Variants in TMC7 observed in about 807,000 individuals in gnomAD.
TMC7 encodes the protein transmembrane channel like 7, also known as transmembrane channel-like protein 7.
TMC7 carries 54 observed loss-of-function variants against 82.9 expected under a neutral mutation model. That is an observed-to-expected ratio of 0.65 (90% confidence interval 0.52 to 0.82). The LOEUF is 0.82. Among genes scored for constraint, TMC7 ranks in the 40% least tolerant of loss-of-function variants. The pLI is 0.00. For missense variants in TMC7, 820 were observed against 901.2 expected, an observed-to-expected ratio of 0.91 and a Z score of 1.15; for synonymous variants, 350 against 337.9, an observed-to-expected ratio of 1.04 and a Z score of -0.39.
chr16:18,990,297 C>T (rs901302135), intron 1 of TMC7, among the ~76,000 whole-genome samples: 2 of 152,162 alleles, frequency 1.3e-5, no homozygotes, highest in Non-Finnish European at 2.9e-5. Context: ...TGGATATATA[C>T]GTGCAAGTCA....
chr16:19,018,689 G>T (rs1480112073), intron 3 of TMC7, among the ~76,000 whole-genome samples: 1 of 151,890 alleles, frequency 6.6e-6, no homozygotes, highest in East Asian at 1.9e-4. Context: ...CCATCCTAGT[G>T]CTTTGGGAGG....
chr16:19,059,645 C>G, intron 15 of TMC7, 151 bp downstream of exon 15: 1 of 1,555,256 alleles, frequency 6.4e-7, no homozygotes, highest in Non-Finnish European at 8.7e-7. Context: ...CCAGCCGCGT[C>G]CAGCTTCATT....
rs184177277 is a variant in TMC7, at chr16:19,027,226, G to A, written c.712-2998G>A. Among the ~76,000 whole-genome samples, 14 of 149,836 alleles carry A rather than the reference G, an allele frequency of 9.3e-5. 1 individual carries two copies. In the South Asian group the frequency reaches 1.9e-3, roughly 20 times the overall value. On this transcript the variant is annotated intron_variant, in intron 5 of 15. Coordinates refer to ENST00000304381, the MANE Select transcript of TMC7 (RefSeq NM_024847.4). ...CTGGATTACAGGTGTGTATGATGAC[G>A]CCCAGCTAAATTTTGTTTTTAGTAG...
chr16:19,027,109 C>T (rs186849055), intron 5 of TMC7, among the ~76,000 whole-genome samples: 1 of 118,806 alleles, frequency 8.4e-6, no homozygotes, highest in Non-Finnish European at 1.6e-5. Context: ...CTCGCTCTGT[C>T]ACCAGGCTGG....
At chr16:18,987,910 A>T (rs969936538) in intron 1 of TMC7, among the ~76,000 whole-genome samples, 17 of 152,302 alleles carry the variant, frequency 1.1e-4, no homozygotes, top group African/African-American at 3.8e-4. Context: ...TGACTGCCAG[A>T]TGGTGGGACT....
At chr16:18,996,901 T>C (rs1485178942) in intron 1 of TMC7, among the ~76,000 whole-genome samples, 2 of 152,228 alleles carry the variant, frequency 1.3e-5, no homozygotes, top group East Asian at 1.9e-4. Flanking sequence ...GGGAAGGCTG[T>C]CTTCCCAAGT....
chr16:18,995,611 G>A lies in TMC7; in HGVS notation c.67+11481G>A, dbSNP rs190515565. The stretch of plus-strand genomic sequence containing the variant: ...CTTAGAGCAAGATCCTGGGGGAGGC[G>A]GTCCTGGAGGAACGCCTGGCCGCTG... On this transcript the variant is annotated intron_variant, in intron 1 of 15. Transcript: ENST00000304381. Among the ~76,000 whole-genome samples the A allele has an allele frequency of 1.8e-3, 273 of 152,318 alleles. 4 individuals are homozygous for A. Among genetic ancestry groups the A allele is most frequent in the Middle Eastern group, 0.014 (4 of 294 alleles).
At chr16:19,043,924 T>C (rs888298355) in intron 9 of TMC7, among the ~76,000 whole-genome samples, 1 of 151,072 alleles carries the variant, frequency 6.6e-6, no homozygotes, top group Admixed American at 6.6e-5. Flanking sequence ...GGCTGGAGTG[T>C]AGTGGTGTGA....
rs1041446537 is a variant in TMC7, at chr16:19,039,447, A to C, written c.1180-842A>C. Among the ~76,000 whole-genome samples, 7 of 152,120 alleles carry C rather than the reference A, an allele frequency of 4.6e-5. 1 individual carries two copies. The highest frequency in any genetic ancestry group is 1.0e-4 in the Non-Finnish European group (7 of 68,018). On this transcript the variant is annotated intron_variant, in intron 8 of 15. Transcript: ENST00000304381. ...TCACCACCATGGCCACATTCTAGCC[A>C]AGGGGAAGGAGATGAAGGGGCTAAG...
At chr16:19,015,294 G>T (rs1270231898) in intron 2 of TMC7, among the ~76,000 whole-genome samples, 1 of 148,936 alleles carries the variant, frequency 6.7e-6, no homozygotes, top group Non-Finnish European at 1.5e-5. Flanking sequence ...ACAGGGCCTT[G>T]CTCTGTCTCC....
intron 2 of TMC7, among the ~76,000 whole-genome samples, chr16:19,013,519 T>C (rs1223179341): frequency 6.8e-6 from 1 of 146,870 alleles, no homozygotes; most frequent in Non-Finnish European, 1.5e-5. Context: ...GCCTGGCCTA[T>C]TTTATTTATT....
At chr16:18,993,750 G>A (rs1360264545) in intron 1 of TMC7, among the ~76,000 whole-genome samples, 2 of 152,148 alleles carry the variant, frequency 1.3e-5, no homozygotes, top group Non-Finnish European at 2.9e-5. Context: ...TAACAGCATG[G>A]TGGTGCAGGA....
intron 7 of TMC7, 72 bp from the exon 8 acceptor site, chr16:19,037,802 T>C: frequency 6.8e-7 from 1 of 1,465,944 alleles, no homozygotes; most frequent in Non-Finnish European, 9.3e-7. Flanking sequence ...GGGGAGAGAA[T>C]GATGAATCAA....
At chr16:19,013,827 G>GT (rs1289134830) in intron 2 of TMC7, among the ~76,000 whole-genome samples, 1 of 139,794 alleles carries the variant, frequency 7.2e-6, no homozygotes, top group African/African-American at 2.6e-5. Flanking sequence ...CCGAGGGAGG[G>GT]TTTTTTTAAC....
rs762260479 is a variant in TMC7, at chr16:19,009,280, G to A, written c.176G>A (p.Arg59Gln). 22 of 1,614,116 alleles carry A rather than the reference G, an allele frequency of 1.4e-5. No homozygotes were observed. Among genetic ancestry groups the A allele is most frequent in the East Asian group, 4.5e-5 (2 of 44,876 alleles). Residue 59 changes from arginine to glutamine, a missense_variant, in exon 2 of 16, where the codon CGG becomes CAG. Arg to Gln is a conservative substitution (Grantham distance 43, BLOSUM62 1). Coordinates refer to ENST00000304381, the MANE Select transcript of TMC7 (RefSeq NM_024847.4). ...IARRRTTVHS[R>Q]DKQSGTLLKP... ...CGTAGGAGAACGACTGTCCATTCCC[G>A]GGACAAGCAAAGCGGAACTTTGCTA... is the stretch of plus-strand genomic sequence containing the variant.
intron 14 of TMC7, among the ~76,000 whole-genome samples, chr16:19,058,483 TAG>T (rs1461111652): frequency 3.3e-5 from 5 of 152,226 alleles, no homozygotes; most frequent in Non-Finnish European, 7.3e-5. Flanking sequence ...GGAAATGGGC[TAG>T]AGAGCCTCCA....
chr16:19,030,534 A>C (rs1427596261), intron 6 of TMC7, among the ~76,000 whole-genome samples, 165 bp downstream of exon 6: 1 of 151,624 alleles, frequency 6.6e-6, no homozygotes, highest in African/African-American at 2.4e-5. Context: ...ACCTGGGAGA[A>C]ATACAAGTCA....
chr16:19,060,299 G>T (rs770508727), intron 15 of TMC7, among the ~76,000 whole-genome samples: 1 of 152,040 alleles, frequency 6.6e-6, no homozygotes, highest in Non-Finnish European at 1.5e-5. Context: ...CAAACTCTTG[G>T]TCTCAAGCCA....
Position 19,037,994 on chromosome 16 carries a change from T to G in TMC7, c.1126T>G (p.Cys376Gly). Residue 376 changes from cysteine (C) to glycine (G), a missense_variant, in exon 8 of 16, where the codon TGC (cysteine) becomes GGC (glycine). Cys to Gly is a radical substitution (Grantham distance 159, BLOSUM62 -3). Transcript: ENST00000304381. ...NCIVLAVLGA[C>G]FYAIYVATVF... Reference sequence around the variant, plus strand: ...TATTGTTCTGGCTGTTTTAGGGGCATGCTTTTATGCAATATACGTAGCAAC... The same window carrying G: ...TATTGTTCTGGCTGTTTTAGGGGCAGGCTTTTATGCAATATACGTAGCAAC... 1 of 1,614,130 alleles carries G rather than the reference T, an allele frequency of 6.2e-7. No homozygotes were observed. The highest frequency in any genetic ancestry group is 8.5e-7 in the Non-Finnish European group (1 of 1,180,010).
Sources: gnomAD v4.1 joint callset for allele counts (sites outside exome capture counted in the v4.1 genomes callset) on GRCh38, gnomAD v4.1.1 for gene constraint, MANE v1.5 for transcripts, NCBI Gene and HGNC (gene_info 2026-07-23, HGNC 2026-07-21) for gene names.